NCAPD3: variants seen among roughly 807,000 people sequenced by gnomAD.
The protein encoded by NCAPD3 is non-SMC condensin II complex subunit D3, also known as condensin-2 complex subunit D3.
A neutral mutation model predicts 182.9 loss-of-function variants in NCAPD3; 105 were observed. The observed-to-expected ratio is 0.57, with a 90% CI of 0.49 to 0.68. NCAPD3 has a LOEUF of 0.68. NCAPD3 is among the 30% of genes least tolerant of loss of function. The pLI is 0.00. For missense variants in NCAPD3, 1,944 were observed against 1,837.0 expected, an observed-to-expected ratio of 1.06 and a Z score of -1.07; for synonymous variants, 815 against 679.9, an observed-to-expected ratio of 1.20 and a Z score of -3.09.
At chr11:134,159,870 G>A (rs766568209) in intron 29 of NCAPD3, 22 bp downstream of exon 29, 48 of 1,604,646 alleles carry the variant, frequency 3.0e-5, no homozygotes, top group Admixed American at 5.1e-5. Context: ...TCTGGTCACA[G>A]TGCAGTGGGC....
rs1192012654 is a variant in NCAPD3, at chr11:134,151,960, G to C, written c.*984C>G. On this transcript the variant is annotated 3_prime_UTR_variant, in exon 35 of 35. Transcript: ENST00000534548. ...CCACCTGTGTTGCGGTTCCCACTTG[G>C]GATGGCAGTGGGCAGATCTCAGTGG... 1 of 151,988 alleles carries C rather than the reference G, an allele frequency of 6.6e-6. No individual in the cohort carries two copies. The highest frequency in any genetic ancestry group is 1.5e-5 in the Non-Finnish European group (1 of 68,026). The allele number at this position is 151,988 out of a possible 1,614,324, so 9.4% of individuals were successfully genotyped here.
In NCAPD3 at chr11:134,168,790, G is replaced by A. The variant is rs1429836566; in HGVS notation, c.3239+127C>T. ...CGACTGTATTTTCTTACGCCATCCT[G>A]CCAAGCCACAGTAAAGACCTGGGGC... On this transcript the variant is annotated intron_variant, in intron 25 of 34. Transcript: ENST00000534548. 1.4e-5 allele frequency: 19 copies of A among 1,405,990 alleles called. No individual in the cohort carries two copies. The East Asian group carries it at 4.1e-4, about 31-fold the overall frequency. The allele number at this position is 1,405,990 out of a possible 1,614,324, so 87.1% of individuals were successfully genotyped here. A position where few individuals can be genotyped will look rare whatever the true frequency, so the allele number is the denominator to read the frequency against.
Position 134,168,013 on chromosome 11 carries a change from TCTG to T in NCAPD3, c.3553_3555del (p.Gln1185del). ...ACACTCACTTGTGAGATGAGCTTCT[TCTG>T]AGCTTCCTGCATGACTACATTTGCC... On this transcript the variant is annotated inframe_deletion, in exon 27 of 35. Transcript: ENST00000534548. The T allele has an allele frequency of 6.2e-7, 1 of 1,614,014 alleles. No homozygotes were observed.
At chr11:134,157,416 G>A (rs192526448) in intron 31 of NCAPD3, among the ~76,000 whole-genome samples, 6 of 152,078 alleles carry the variant, frequency 3.9e-5, no homozygotes, top group African/African-American at 1.2e-4. Flanking sequence ...ATACATACAA[G>A]GCTATATGTA....
At chr11:134,163,720 AAGTT>A (rs1326520990) in intron 27 of NCAPD3, among the ~76,000 whole-genome samples, 15 of 148,062 alleles carry the variant, frequency 1.0e-4, no homozygotes, top group South Asian at 2.1e-4. Context: ...AAAAAAAAAA[AAGTT>A]AGCCAGGCAC....
chr11:134,155,047 T>A (rs1312343282), intron 32 of NCAPD3, among the ~76,000 whole-genome samples: 1 of 151,824 alleles, frequency 6.6e-6, no homozygotes, highest in Non-Finnish European at 1.5e-5. Context: ...GAAGCCCGGG[T>A]GCGGGGGCTC....
intron 16 of NCAPD3, among the ~76,000 whole-genome samples, chr11:134,188,503 G>A (rs1487509104): frequency 6.6e-6 from 1 of 152,154 alleles, no homozygotes; most frequent in Non-Finnish European, 1.5e-5. Context: ...CACTCTTTGG[G>A]TCCACACTGC....
chr11:134,224,190 G>C (rs930056359), upstream of NCAPD3: 2 of 575,612 alleles, frequency 3.5e-6, no homozygotes, highest in Non-Finnish European at 6.2e-6. Flanking sequence ...CAGGGCCTGA[G>C]TTAAACCCTA....
intron 24 of NCAPD3, 53 bp from the exon 25 acceptor site, chr11:134,169,107 T>C (rs1433526929): frequency 3.1e-5 from 49 of 1,562,814 alleles, no homozygotes; most frequent in Non-Finnish European, 4.1e-5. Context: ...GTACCAACAG[T>C]CTCTGAATAC....
chr11:134,176,334 A>G lies in NCAPD3; in HGVS notation c.3074T>C (p.Leu1025Pro). 6.2e-7 allele frequency: 1 copy of G among 1,614,156 alleles called. No individual in the cohort carries two copies. The highest frequency in any genetic ancestry group is 8.5e-7 in the Non-Finnish European group (1 of 1,179,994). ...GSLFFRFVSTLIDSHPDIASF... is the reference protein window; with the variant it reads ...GSLFFRFVSTPIDSHPDIASF... ...GGCAATGTCTGGGTGTGAATCGATC[A>G]GAGTGCTGACAAATCGGAAGAACAG... The change falls in exon 24 of 35, where the codon CTG becomes CCG. Residue 1025 changes from leucine (L) to proline (P), a missense_variant. Leu to Pro is a moderately conservative substitution (Grantham distance 98, BLOSUM62 -3). Coordinates refer to ENST00000534548, the MANE Select transcript of NCAPD3 (RefSeq NM_015261.3).
At chr11:134,178,265 G>A (rs764303577) in intron 22 of NCAPD3, among the ~76,000 whole-genome samples, 48 of 152,200 alleles carry the variant, frequency 3.2e-4, no homozygotes, top group African/African-American at 9.2e-4. Flanking sequence ...AACAGACTTC[G>A]TGGGGCTGCA....
chr11:134,198,996 C>A (rs921948985), intron 13 of NCAPD3, among the ~76,000 whole-genome samples: 3 of 152,066 alleles, frequency 2.0e-5, no homozygotes, highest in Non-Finnish European at 4.4e-5. Context: ...AATTAACAAA[C>A]GAACATGGCA....
chr11:134,174,925 G>A (rs1261560785), intron 24 of NCAPD3, among the ~76,000 whole-genome samples: 1 of 152,170 alleles, frequency 6.6e-6, no homozygotes, highest in Non-Finnish European at 1.5e-5. Context: ...ATTACAGTTA[G>A]CAAATGTAGT....
chr11:134,181,041 A>T (rs1234392176), intron 20 of NCAPD3, 36 bp downstream of exon 20: 2 of 1,468,996 alleles, frequency 1.4e-6, no homozygotes, highest in South Asian at 2.3e-5. Flanking sequence ...GATAAAATGG[A>T]AGCGAAAAGA....
intron 8 of NCAPD3, 64 bp from the exon 9 acceptor site, chr11:134,205,035 T>A: frequency 8.3e-7 from 1 of 1,211,110 alleles, no homozygotes; most frequent in Non-Finnish European, 1.2e-6. Context: ...CAAAAACCAC[T>A]ACTCCTATAT....
intron 16 of NCAPD3, among the ~76,000 whole-genome samples, chr11:134,189,708 T>C (rs1243849674): frequency 6.6e-6 from 1 of 152,210 alleles, no homozygotes; most frequent in Non-Finnish European, 1.5e-5. Context: ...TGTGTGCTTA[T>C]TGGGCATGGG....
In NCAPD3 at chr11:134,184,625, G is replaced by A; in HGVS notation, c.2451+12C>T. 1 of 1,572,516 alleles carries A rather than the reference G, an allele frequency of 6.4e-7. No homozygotes were observed. The highest frequency in any genetic ancestry group is 2.2e-5 in the East Asian group (1 of 44,712). On this transcript the variant is annotated intron_variant, in intron 19 of 34. Transcript: ENST00000534548. ...AGAAGTCAGAAACATGTCAGGGAAA[G>A]TCTGGCCATACCTGCTCCTCTGCTG...
intron 27 of NCAPD3, among the ~76,000 whole-genome samples, chr11:134,167,169 T>G (rs1302050198): frequency 1.1e-5 from 1 of 90,386 alleles, no homozygotes; most frequent in Non-Finnish European, 2.1e-5. Context: ...GAGGTGAGCT[T>G]GGGGGAGGCG....
upstream of NCAPD3, chr11:134,225,034 CG>C: frequency 2.3e-6 from 3 of 1,280,384 alleles, no homozygotes; most frequent in Non-Finnish European, 3.1e-6. Context: ...GCTCGCGCAT[CG>C]GGCCCTCTGG....
Sources: gnomAD v4.1 joint callset for allele counts (sites outside exome capture counted in the v4.1 genomes callset) on GRCh38, gnomAD v4.1.1 for gene constraint, MANE v1.5 for transcripts, NCBI Gene and HGNC (gene_info 2026-07-23, HGNC 2026-07-21) for gene names.